Variants in GLI2 observed in about 807,000 individuals in gnomAD.
GLI2 encodes GLI family zinc finger 2, also known as transcription activator GLI2.
In GLI2, 22 loss-of-function variants were observed where a neutral mutation model predicts 78.9. The ratio of observed to expected loss-of-function variants is 0.28; its 90% CI spans 0.20 to 0.40. GLI2 has a LOEUF of 0.40. Among genes scored for constraint, GLI2 ranks in the 10% least tolerant of loss-of-function variants. GLI2 has a pLI of 1.00. For missense variants in GLI2, 2,097 were observed against 2,213.2 expected (o/e 0.95, Z 1.05); for synonymous variants, 974 against 963.7 (o/e 1.01, Z -0.20).
intron 2 of GLI2, among the ~76,000 whole-genome samples, chr2:120,919,456 G>C (rs1679263046): frequency 6.6e-6 from 1 of 152,242 alleles, no homozygotes; most frequent in African/African-American, 2.4e-5. Context: ...GTGCTGGCCA[G>C]GGTCCCACAC....
chr2:120,770,476 AG>A (rs1197111366), intron 1 of GLI2, among the ~76,000 whole-genome samples: 3 of 152,232 alleles, frequency 2.0e-5, no homozygotes, highest in Non-Finnish European at 2.9e-5. Flanking sequence ...TGCAGGCATC[AG>A]GGGACCCAGG....
At chr2:120,837,894 A>G (rs1036140516) in intron 2 of GLI2, among the ~76,000 whole-genome samples, 2 of 152,148 alleles carry the variant, frequency 1.3e-5, no homozygotes, top group South Asian at 4.1e-4. Flanking sequence ...CTTAGGTCTT[A>G]CAGCTTTCTG....
chr2:120,879,688 C>T (rs1057030371), intron 2 of GLI2, among the ~76,000 whole-genome samples: 10 of 152,196 alleles, frequency 6.6e-5, no homozygotes, highest in Non-Finnish European at 2.9e-5. Context: ...GCTGGAGTCA[C>T]TTAACGGCTG....
chr2:120,948,138 G>A (rs1370249081), intron 3 of GLI2, among the ~76,000 whole-genome samples: 1 of 152,220 alleles, frequency 6.6e-6, no homozygotes, highest in Non-Finnish European at 1.5e-5. Context: ...AGTGAGGCCC[G>A]CTGGAGGGAG....
chr2:120,837,989 C>T (rs1013288930), intron 2 of GLI2, among the ~76,000 whole-genome samples: 1 of 152,168 alleles, frequency 6.6e-6, no homozygotes, highest in African/African-American at 2.4e-5. Flanking sequence ...ACCGTGAGAA[C>T]TTTAGGATCA....
intron 2 of GLI2, among the ~76,000 whole-genome samples, chr2:120,842,775 T>C (rs775792994): frequency 6.6e-6 from 1 of 152,246 alleles, no homozygotes; most frequent in Non-Finnish European, 1.5e-5. Context: ...AATGAGTGAA[T>C]GAAAATACTT....
In GLI2 at chr2:120,951,435, C is replaced by T. The variant is rs1680987661; in HGVS notation, c.447C>T (p.Ser149=). Residue 149 remains serine, a synonymous_variant, in exon 4 of 14, where the codon AGC becomes AGT. Coordinates refer to ENST00000361492, the MANE Select transcript of GLI2 (RefSeq NM_001374353.1). ...TGATCTCTGCAGCCAGGGGCCTCAGCCCCGCTGATGGTGAGTAGGGTGTGG... is the reference window on the plus strand; with the variant it reads ...TGATCTCTGCAGCCAGGGGCCTCAGTCCCGCTGATGGTGAGTAGGGTGTGG... The part of the protein sequence containing the change: ...LSMISAARGL[S]PADVAQEHLK... 3 of 1,609,294 alleles carry T rather than the reference C, an allele frequency of 1.9e-6. No individual in the cohort carries two copies. Among genetic ancestry groups the T allele is most frequent in the Non-Finnish European group, 2.6e-6 (3 of 1,176,202 alleles).
chr2:120,897,676 C>G (rs987133704), intron 2 of GLI2, among the ~76,000 whole-genome samples: 1 of 134,208 alleles, frequency 7.5e-6, no homozygotes, highest in African/African-American at 2.9e-5. Context: ...CCACTCTATT[C>G]TGGAAAAAAA....
At chr2:120,928,316 C>T (rs956561710) in intron 3 of GLI2, among the ~76,000 whole-genome samples, 1 of 152,182 alleles carries the variant, frequency 6.6e-6, no homozygotes, top group Admixed American at 6.5e-5. Context: ...GTGCCTGGGG[C>T]CAGCTGCCTG....
chr2:120,923,863 C>T (rs1679529846), intron 2 of GLI2, among the ~76,000 whole-genome samples: 1 of 151,484 alleles, frequency 6.6e-6, no homozygotes, highest in Admixed American at 6.6e-5. Flanking sequence ...CACGTACATA[C>T]ACACACACAC....
intron 1 of GLI2, among the ~76,000 whole-genome samples, chr2:120,736,703 C>T (rs1413003008): frequency 2.0e-5 from 3 of 152,014 alleles, no homozygotes; most frequent in Non-Finnish European, 2.9e-5. Flanking sequence ...GGGAGCGTGT[C>T]TGCGGGCGTA....
chr2:120,762,106 C>G (rs1683232718), intron 1 of GLI2, among the ~76,000 whole-genome samples: 1 of 152,138 alleles, frequency 6.6e-6, no homozygotes, highest in Non-Finnish European at 1.5e-5. Context: ...TGGCTGCCAC[C>G]CATACCCAGG....
At chr2:120,927,166 G>A (rs1679720979) in intron 2 of GLI2, among the ~76,000 whole-genome samples, 195 bp from the exon 3 acceptor site, 1 of 152,232 alleles carries the variant, frequency 6.6e-6, no homozygotes, top group South Asian at 2.1e-4. Flanking sequence ...TTATGTGAAA[G>A]ATGTAGAATT....
At chr2:120,804,236 A>G (rs887244564) in intron 2 of GLI2, among the ~76,000 whole-genome samples, 3 of 152,194 alleles carry the variant, frequency 2.0e-5, no homozygotes, top group Non-Finnish European at 2.9e-5. Context: ...AATCTGTCCA[A>G]TACCCCTCCA....
chr2:120,761,275 G>A (rs1315188756), intron 1 of GLI2, among the ~76,000 whole-genome samples: 1 of 152,168 alleles, frequency 6.6e-6, no homozygotes, highest in African/African-American at 2.4e-5. Context: ...GGGGACATGA[G>A]TGGACCTGAG....
intron 2 of GLI2, among the ~76,000 whole-genome samples, chr2:120,804,300 C>T (rs1684840599): frequency 6.6e-6 from 1 of 152,198 alleles, no homozygotes; most frequent in Non-Finnish European, 1.5e-5. Context: ...TTTTCTGTGC[C>T]TCCAGGATGT....
At chr2:120,754,945 G>A (rs554450487) in intron 1 of GLI2, among the ~76,000 whole-genome samples, 13 of 151,612 alleles carry the variant, frequency 8.6e-5, no homozygotes, top group African/African-American at 3.2e-4. Context: ...CTCCGCCTCC[G>A]GGTGCAAAGG....
At chr2:120,882,361 C>T (rs942498171) in intron 2 of GLI2, among the ~76,000 whole-genome samples, 7 of 152,160 alleles carry the variant, frequency 4.6e-5, no homozygotes, top group African/African-American at 1.7e-4. Context: ...GGCTGGAGGG[C>T]GCCCGCTGCA....
intron 3 of GLI2, among the ~76,000 whole-genome samples, chr2:120,936,856 C>T (rs1468715718): frequency 6.6e-6 from 1 of 152,190 alleles, no homozygotes; most frequent in Admixed American, 6.5e-5. Flanking sequence ...CTTGAGGCCA[C>T]TCCTGCCAGC....
Sources: allele counts gnomAD v4.1 joint callset (sites outside exome capture counted in the v4.1 genomes callset), GRCh38; gene constraint gnomAD v4.1.1; transcripts MANE v1.5; gene names NCBI Gene and HGNC (gene_info 2026-07-23, HGNC 2026-07-21).